The following KCNH1 variants were observed in gnomAD, a reference collection of about 807,000 sequenced individuals.
KCNH1 encodes the protein potassium voltage-gated channel subfamily H member 1, also known as voltage-gated delayed rectifier potassium channel KCNH1.
A neutral mutation model predicts 69.2 loss-of-function variants in KCNH1; 27 were observed. The ratio of observed to expected loss-of-function variants is 0.39; its 90% CI spans 0.29 to 0.54. The LOEUF is 0.54. Among genes scored for constraint, KCNH1 ranks in the 20% least tolerant of loss-of-function variants. The probability of loss-of-function intolerance (pLI) is 0.68; values close to 1 mark genes in which losing one functional copy is unlikely to be tolerated. For missense variants in KCNH1, 798 were observed against 1,261.6 expected (o/e 0.63, Z 5.57); for synonymous variants, 456 against 487.7 (o/e 0.93, Z 0.86).
chr1:211,132,262 T>C (rs966572464), intron 1 of KCNH1, among the ~76,000 whole-genome samples: 6 of 152,168 alleles, frequency 3.9e-5, no homozygotes, highest in African/African-American at 1.4e-4. Flanking sequence ...AATAGTCCAA[T>C]AAAAATAGCA....
At chr1:211,002,778 G>A (rs1689212900) in intron 6 of KCNH1, among the ~76,000 whole-genome samples, 1 of 152,114 alleles carries the variant, frequency 6.6e-6, no homozygotes, top group South Asian at 2.1e-4. Context: ...GGAAGCATGG[G>A]AAGAGAAAAG....
intron 7 of KCNH1, among the ~76,000 whole-genome samples, chr1:210,846,543 C>A (rs1219344122): frequency 6.6e-6 from 1 of 152,166 alleles, no homozygotes; most frequent in African/African-American, 2.4e-5. Flanking sequence ...AAAGCTGAAA[C>A]TGGATCCCTT....
intron 4 of KCNH1, among the ~76,000 whole-genome samples, chr1:211,089,086 A>T (rs1691007112): frequency 6.6e-6 from 1 of 152,222 alleles, no homozygotes; most frequent in African/African-American, 2.4e-5. Context: ...AGTAATAAAA[A>T]CAAAACATTT....
chr1:210,724,351 C>T (rs1281382812), intron 10 of KCNH1, among the ~76,000 whole-genome samples: 1 of 151,990 alleles, frequency 6.6e-6, no homozygotes, highest in African/African-American at 2.4e-5. Context: ...GCTGGATAAC[C>T]ACTGATCCAG....
intron 7 of KCNH1, among the ~76,000 whole-genome samples, chr1:210,909,402 A>G (rs1000359728): frequency 1.1e-4 from 16 of 152,220 alleles, no homozygotes; most frequent in Admixed American, 2.0e-4. Flanking sequence ...AACAACACAC[A>G]CAAGGGGTAG....
intron 10 of KCNH1, among the ~76,000 whole-genome samples, chr1:210,762,761 C>T (rs1353745283): frequency 1.3e-5 from 2 of 151,974 alleles, no homozygotes. Context: ...AGCCCTGGAC[C>T]AGATGGATTC....
intron 7 of KCNH1, among the ~76,000 whole-genome samples, chr1:210,882,153 G>T (rs991333718): frequency 1.3e-5 from 2 of 152,122 alleles, no homozygotes; most frequent in Non-Finnish European, 2.9e-5. Flanking sequence ...AGAAATCTCT[G>T]TACCTTCCAC....
chr1:211,025,190 C>T (rs2102418312), intron 5 of KCNH1, among the ~76,000 whole-genome samples: 1 of 152,314 alleles, frequency 6.6e-6, no homozygotes, highest in South Asian at 2.1e-4. Context: ...ATGCCACTTG[C>T]AGGTTCTTAT....
intron 6 of KCNH1, among the ~76,000 whole-genome samples, chr1:210,984,068 CTGTT>C (rs1442332519): frequency 3.9e-5 from 6 of 152,184 alleles, no homozygotes; most frequent in Admixed American, 2.0e-4. Context: ...ATTTGGCTCT[CTGTT>C]TGTCTGTTAT....
chr1:211,017,982 G>T (rs1689522029), intron 6 of KCNH1, among the ~76,000 whole-genome samples: 1 of 152,004 alleles, frequency 6.6e-6, no homozygotes, highest in Admixed American at 6.6e-5. Flanking sequence ...GTGGTGAGTG[G>T]ATTCTCACTC....
chr1:210,963,023 T>C (rs1319136700), intron 6 of KCNH1, among the ~76,000 whole-genome samples: 2 of 151,868 alleles, frequency 1.3e-5, no homozygotes, highest in African/African-American at 2.4e-5. Flanking sequence ...CATTTTCTTA[T>C]TGCTTTGTGG....
At chr1:210,864,035 A>C (rs1437003056) in intron 7 of KCNH1, among the ~76,000 whole-genome samples, 1 of 152,218 alleles carries the variant, frequency 6.6e-6, no homozygotes, top group Admixed American at 6.5e-5. Flanking sequence ...ATGGAACAGC[A>C]CATTCCAGAC....
Position 210,683,482 on chromosome 1 carries a change from C to T in KCNH1, c.2769G>A (p.Gln923=). 1 of 1,614,168 alleles carries T rather than the reference C, an allele frequency of 6.2e-7. No individual in the cohort carries two copies. Among genetic ancestry groups the T allele is most frequent in the Non-Finnish European group, 8.5e-7 (1 of 1,180,028 alleles). The part of the protein sequence containing the change: ...SFYPIPEQTL[Q]ATVLEVRHEL... ...CGTGCCTCACCTCCAGGACTGTGGC[C>T]TGCAGCGTCTGCTCAGGGATGGGGT... Residue 923 remains glutamine (Q), a synonymous_variant, in exon 11 of 11, where the codon CAG becomes CAA. Transcript: ENST00000271751. This position sits in a 1 kb window ranked among gnomAD's most constrained non-coding sequence, Gnocchi z 5.7.
At chr1:210,806,836 A>AAATATAGATATATATATATATATATATAT (rs1553346591) in intron 7 of KCNH1, among the ~76,000 whole-genome samples, 1 of 85,688 alleles carries the variant, frequency 1.2e-5, no homozygotes. Context: ...AAAAAAAAAA[A>AAATATAGATATATATATATATATATATAT]ATATATATAT....
intron 6 of KCNH1, among the ~76,000 whole-genome samples, chr1:210,926,957 GGA>G: frequency 6.6e-6 from 1 of 152,130 alleles, no homozygotes; most frequent in Admixed American, 6.5e-5. Flanking sequence ...TGAACAAGCA[GGA>G]GAAAGAACTT....
intron 5 of KCNH1, among the ~76,000 whole-genome samples, chr1:211,055,294 C>T (rs1451688547): frequency 6.6e-6 from 1 of 152,128 alleles, no homozygotes; most frequent in Non-Finnish European, 1.5e-5. Flanking sequence ...TGCATTGGAA[C>T]ACAGTGCTGC....
chr1:211,100,455 A>G (rs1691237175), intron 3 of KCNH1, among the ~76,000 whole-genome samples: 1 of 151,956 alleles, frequency 6.6e-6, no homozygotes, highest in Non-Finnish European at 1.5e-5. Flanking sequence ...GGAGTTCGAC[A>G]ATTCTCCTGC....
chr1:210,891,436 T>C (rs1686748020), intron 7 of KCNH1, among the ~76,000 whole-genome samples: 1 of 151,882 alleles, frequency 6.6e-6, no homozygotes, highest in Non-Finnish European at 1.5e-5. Context: ...AAATACCTTA[T>C]GTAAATGATG....
chr1:210,903,485 A>T (rs1408235781), intron 7 of KCNH1, among the ~76,000 whole-genome samples: 1 of 152,180 alleles, frequency 6.6e-6, no homozygotes, highest in African/African-American at 2.4e-5. Context: ...TGGATGGTGA[A>T]TATAGTATGT....
Sources: allele counts gnomAD v4.1 joint callset (sites outside exome capture counted in the v4.1 genomes callset), GRCh38; gene constraint gnomAD v4.1.1; non-coding constraint Gnocchi (gnomAD v3.1); transcripts MANE v1.5; gene names NCBI Gene and HGNC (gene_info 2026-07-23, HGNC 2026-07-21).